Variants in EYS observed in about 807,000 individuals in gnomAD.
EYS encodes protein eyes shut homolog.
In EYS, 250 loss-of-function variants were observed where a neutral mutation model predicts 282.1. The ratio of observed to expected loss-of-function variants is 0.89; its 90% CI spans 0.80 to 0.98. The LOEUF (loss-of-function observed/expected upper bound fraction) is 0.98, where lower values mean the gene tolerates loss of function less well. Ranked by LOEUF, EYS falls within the 50% of genes least tolerant of loss-of-function variation. EYS has a pLI of 0.00. For synonymous variants in EYS, 1,355 were observed against 1,282.9 expected, an observed-to-expected ratio of 1.06 and a Z score of -1.20; for missense variants, 4,016 against 3,709.0, an observed-to-expected ratio of 1.08 and a Z score of -2.15.
At chr6:64,908,745 A>T (rs1767905641) in intron 16 of EYS, among the ~76,000 whole-genome samples, 1 of 152,012 alleles carries the variant, frequency 6.6e-6, no homozygotes, top group Admixed American at 6.6e-5. Flanking sequence ...GTTTCTATAG[A>T]CACAGGATGG....
At chr6:64,681,663 G>A (rs901304971) in intron 22 of EYS, among the ~76,000 whole-genome samples, 3 of 152,124 alleles carry the variant, frequency 2.0e-5, no homozygotes, top group Admixed American at 1.3e-4. Context: ...GGAGGCTGAG[G>A]CGGGCGCATC....
intron 26 of EYS, among the ~76,000 whole-genome samples, chr6:64,449,346 T>C (rs1399897899): frequency 6.6e-6 from 1 of 151,978 alleles, no homozygotes; most frequent in East Asian, 1.9e-4. Context: ...CCAAGACATA[T>C]GGGACTACGT....
At chr6:63,811,792 C>T (rs909241896) in intron 36 of EYS, among the ~76,000 whole-genome samples, 3 of 152,094 alleles carry the variant, frequency 2.0e-5, no homozygotes, top group African/African-American at 7.2e-5. Context: ...ATCTGTTTCC[C>T]AGCCTTCCCT....
chr6:64,785,781 G>T (rs1170539265), intron 22 of EYS, among the ~76,000 whole-genome samples: 1 of 152,128 alleles, frequency 6.6e-6, no homozygotes, highest in African/African-American at 2.4e-5. Flanking sequence ...TGTGCTAGTT[G>T]CTGGAGGTAT....
intron 2 of EYS, among the ~76,000 whole-genome samples, chr6:65,616,717 T>A (rs1766211062): frequency 6.6e-6 from 1 of 150,790 alleles, no homozygotes; most frequent in South Asian, 2.1e-4. Flanking sequence ...ACCCGGGAGG[T>A]CAAGGTTGCA....
At chr6:64,455,403 T>C (rs1385629274) in intron 26 of EYS, among the ~76,000 whole-genome samples, 1 of 151,894 alleles carries the variant, frequency 6.6e-6, no homozygotes, top group Non-Finnish European at 1.5e-5. Context: ...AGCTTTCACA[T>C]TTGAGTTTAA....
chr6:65,356,194 G>T (rs1001664633), intron 8 of EYS, among the ~76,000 whole-genome samples: 8 of 151,946 alleles, frequency 5.3e-5, no homozygotes, highest in African/African-American at 1.9e-4. Flanking sequence ...CATGTCTTCT[G>T]CGGCAAAAAA....
intron 12 of EYS, among the ~76,000 whole-genome samples, chr6:65,067,513 A>C (rs147587082): frequency 4.1e-4 from 62 of 152,232 alleles, no homozygotes; most frequent in African/African-American, 1.4e-3. Flanking sequence ...AATATTGTCA[A>C]AGCCAGAAAT....
chr6:65,031,037 G>T (rs1463656418), intron 13 of EYS, among the ~76,000 whole-genome samples: 6 of 151,508 alleles, frequency 4.0e-5, no homozygotes, highest in Non-Finnish European at 8.8e-5. Flanking sequence ...AACCAGCAAA[G>T]ATAAAAGAAG....
intron 16 of EYS, among the ~76,000 whole-genome samples, chr6:64,908,253 G>A (rs543932594): frequency 2.0e-4 from 31 of 152,194 alleles, no homozygotes; most frequent in Admixed American, 1.2e-3. Context: ...TCCAGATGCC[G>A]AAACAGGAGC....
chr6:64,656,942 G>T (rs1768772228), intron 22 of EYS, among the ~76,000 whole-genome samples: 1 of 152,176 alleles, frequency 6.6e-6, no homozygotes, highest in Non-Finnish European at 1.5e-5. Flanking sequence ...TAAGGTATTT[G>T]CATCTATTAA....
chr6:63,841,007 T>C lies in EYS; in HGVS notation c.7228+23179A>G, dbSNP rs140169153. On this transcript the variant is annotated intron_variant, in intron 36 of 42. Coordinates refer to ENST00000503581, the MANE Select transcript of EYS (RefSeq NM_001142800.2). ...GATTGCCTTGGCTATTCAAAGTCTT[T>C]GTAGTTCAACTTAAACAGATAATTT... Among the ~76,000 whole-genome samples, 62 of 152,310 alleles carry C rather than the reference T, an allele frequency of 4.1e-4. 1 individual carries two copies. Among genetic ancestry groups the C allele is most frequent in the African/African-American group, 1.4e-3 (60 of 41,576 alleles).
intron 31 of EYS, among the ~76,000 whole-genome samples, chr6:64,193,182 G>C (rs1216224071): frequency 6.6e-6 from 1 of 152,084 alleles, no homozygotes; most frequent in Non-Finnish European, 1.5e-5. Context: ...ATTTTGATTG[G>C]AATTGAATTG....
rs543315971 is a variant in EYS at position 64,033,744 on chromosome 6, TC to T, written c.6725+32593del. Among the ~76,000 whole-genome samples the T allele has an allele frequency of 2.5e-3, 375 of 152,134 alleles. 1 individual carries two copies. The highest frequency in any genetic ancestry group is 8.7e-3 in the African/African-American group (359 of 41,500). ...ATTAGAATTATTGTTTTCTAGAACT[TC>T]CCCATTCAAACTAGTTATGTTGATA... is the stretch of plus-strand genomic sequence containing the variant. On this transcript the variant is annotated intron_variant, in intron 33 of 42. Coordinates refer to ENST00000503581, the MANE Select transcript of EYS (RefSeq NM_001142800.2).
chr6:64,314,747 C>G (rs139062549), intron 29 of EYS, among the ~76,000 whole-genome samples: 17 of 152,086 alleles, frequency 1.1e-4, no homozygotes, highest in Non-Finnish European at 1.9e-4. Flanking sequence ...AAAGACACAA[C>G]AGAATCTCTG....
intron 12 of EYS, among the ~76,000 whole-genome samples, chr6:65,133,762 A>G (rs1197925760): frequency 6.6e-6 from 1 of 152,056 alleles, no homozygotes; most frequent in African/African-American, 2.4e-5. Flanking sequence ...AGCAAAAAAG[A>G]GACAAATGGG....
At chr6:65,256,333 T>C (rs1419345364) in intron 12 of EYS, among the ~76,000 whole-genome samples, 3 of 143,246 alleles carry the variant, frequency 2.1e-5, no homozygotes, top group Non-Finnish European at 4.5e-5. Flanking sequence ...GTTAGTTACA[T>C]ATGTATACAT....
intron 33 of EYS, among the ~76,000 whole-genome samples, chr6:64,052,791 C>T (rs1226909292): frequency 1.3e-5 from 2 of 152,172 alleles, no homozygotes; most frequent in East Asian, 1.9e-4. Context: ...GTTTTATAAG[C>T]GTCTGGCATT....
intron 30 of EYS, among the ~76,000 whole-genome samples, chr6:64,278,598 C>T (rs1243529483): frequency 6.6e-6 from 1 of 152,094 alleles, no homozygotes; most frequent in Non-Finnish European, 1.5e-5. Flanking sequence ...CCTAAAAGTT[C>T]AAATTTTTCT....
Sources: gnomAD v4.1 joint callset for allele counts (sites outside exome capture counted in the v4.1 genomes callset) on GRCh38, gnomAD v4.1.1 for gene constraint, MANE v1.5 for transcripts, NCBI Gene and HGNC (gene_info 2026-07-23, HGNC 2026-07-21) for gene names.